The following USH2A variants were observed in gnomAD, a reference collection of about 807,000 sequenced individuals.
USH2A encodes Usher syndrome 2A (autosomal recessive, mild).
Under a neutral mutation model 538.9 loss-of-function variants are expected in USH2A, and 443 were observed. The ratio of observed to expected loss-of-function variants is 0.82; its 90% confidence interval spans 0.76 to 0.89. The LOEUF (loss-of-function observed/expected upper bound fraction) is 0.89. Ranked by LOEUF, USH2A falls within the 40% of genes least tolerant of loss-of-function variation. The pLI, the probability that USH2A is intolerant of heterozygous loss-of-function variation, is 0.00. For missense variants in USH2A, 6,633 were observed against 6,324.8 expected (o/e 1.05, Z -1.65); for synonymous variants, 2,413 against 2,273.5 (o/e 1.06, Z -1.75).
chr1:216,198,217 G>A, intron 18 of USH2A, 98 bp downstream of exon 18: 1 of 1,564,120 alleles, frequency 6.4e-7, no homozygotes, highest in East Asian at 2.3e-5. Context: ...TCTAATTCTT[G>A]CTTTTCAAAA....
At chr1:216,017,276 C>T (rs931721175) in intron 32 of USH2A, among the ~76,000 whole-genome samples, 4 of 152,040 alleles carry the variant, frequency 2.6e-5, no homozygotes, top group Admixed American at 6.6e-5. Flanking sequence ...CACAAACATC[C>T]TACTGACTCC....
chr1:215,844,442 C>T lies in USH2A; in HGVS notation c.9110G>A (p.Arg3037His), dbSNP rs533700989. 3.8e-4 allele frequency: 605 copies of T among 1,612,932 alleles called. 5 individuals carry two copies. The South Asian group carries it at 5.7e-3, about 15-fold the overall frequency. The stretch of plus-strand genomic sequence containing the variant: ...GTTTGAAGGAGATGTCCAGATGACA[C>T]GTACAGCTGTACTGTTGATGATGAC... Reference protein sequence around the residue: ...EVVIINSTAVRVIWTSPSNPN... With the variant: ...EVVIINSTAVHVIWTSPSNPN... Residue 3037 changes from arginine (R) to histidine (H), a missense_variant, in exon 46 of 72, where the codon CGT becomes CAT. Physicochemically the swap from Arg to His is conservative, Grantham distance 29. Transcript: ENST00000307340.
intron 30 of USH2A, 31 bp from the exon 31 acceptor site, chr1:216,048,678 G>T: frequency 1.3e-6 from 2 of 1,562,710 alleles, no homozygotes; most frequent in East Asian, 2.2e-5. Context: ...AGAGGGTTGC[G>T]TGTTTACCAT....
chr1:215,668,928 T>C (rs1361987943), intron 64 of USH2A, among the ~76,000 whole-genome samples: 1 of 152,122 alleles, frequency 6.6e-6, no homozygotes, highest in Non-Finnish European at 1.5e-5. Flanking sequence ...TCAGCTACAC[T>C]GGAGGCTAAG....
At chr1:216,244,173 C>G (rs1411324083) in intron 13 of USH2A, among the ~76,000 whole-genome samples, 1 of 152,124 alleles carries the variant, frequency 6.6e-6, no homozygotes, top group Non-Finnish European at 1.5e-5. Context: ...GAGGATTATA[C>G]TGCATTCCAT....
chr1:216,353,789 A>C (rs777600821), intron 4 of USH2A, among the ~76,000 whole-genome samples: 2 of 152,162 alleles, frequency 1.3e-5, no homozygotes, highest in Non-Finnish European at 2.9e-5. Flanking sequence ...TGTCAATCTA[A>C]CAACCAAAAC....
chr1:215,935,309 G>C (rs1230807245), intron 37 of USH2A, among the ~76,000 whole-genome samples: 1 of 151,916 alleles, frequency 6.6e-6, no homozygotes, highest in Admixed American at 6.6e-5. Context: ...GGTGTTTTCT[G>C]TTCACTTTGC....
intron 35 of USH2A, among the ~76,000 whole-genome samples, chr1:215,986,063 C>T (rs1348750555): frequency 6.6e-6 from 1 of 152,134 alleles, no homozygotes; most frequent in Non-Finnish European, 1.5e-5. Context: ...GTCCCCTTCA[C>T]TTCTCAAGAA....
chr1:216,280,906 G>A (rs1294403003), intron 11 of USH2A, among the ~76,000 whole-genome samples: 3 of 152,056 alleles, frequency 2.0e-5, no homozygotes, highest in East Asian at 3.9e-4. Flanking sequence ...ATTTCCTTGT[G>A]TGCTCCCTAA....
At chr1:215,866,242 GA>G (rs1664464995) in intron 44 of USH2A, among the ~76,000 whole-genome samples, 2 of 152,060 alleles carry the variant, frequency 1.3e-5, no homozygotes, top group Admixed American at 6.6e-5. Flanking sequence ...AGTCGTCAGG[GA>G]TTGACACAAA....
chr1:216,077,417 A>G (rs1226476854), intron 27 of USH2A, among the ~76,000 whole-genome samples: 1 of 151,934 alleles, frequency 6.6e-6, no homozygotes, highest in Non-Finnish European at 1.5e-5. Context: ...AACTATGGAG[A>G]CAATTAGCAT....
intron 32 of USH2A, among the ~76,000 whole-genome samples, chr1:216,025,808 T>A (rs2102505963): frequency 6.6e-6 from 1 of 152,158 alleles, no homozygotes; most frequent in African/African-American, 2.4e-5. Context: ...CATCCAGAGT[T>A]CCACCCTAAT....
chr1:216,284,040 A>C (rs958021007), intron 11 of USH2A, among the ~76,000 whole-genome samples: 2 of 152,104 alleles, frequency 1.3e-5, no homozygotes, highest in African/African-American at 4.8e-5. Context: ...ATTCCTAATG[A>C]TGTTAATATG....
In USH2A at chr1:215,970,645, C is replaced by T. The variant is rs199840367; in HGVS notation, c.6937G>A (p.Gly2313Ser). The change falls in exon 36 of 72, where the codon GGT (glycine) becomes AGT (serine). Residue 2313 changes from glycine (G) to serine (S), a missense_variant. Coordinates refer to ENST00000307340, the MANE Select transcript of USH2A (RefSeq NM_206933.4). Reference protein sequence around the residue: ...SFRVQACTAKGCALGPLVENR... With the variant: ...SFRVQACTAKSCALGPLVENR... ...CTCACCAGTGGGCCCAGAGCACAACCTTTGGCCGTGCATGCTTGGACTCTG... is the reference window on the plus strand; with the variant it reads ...CTCACCAGTGGGCCCAGAGCACAACTTTTGGCCGTGCATGCTTGGACTCTG... The T allele has an allele frequency of 2.8e-5, 45 of 1,613,662 alleles. No homozygotes were observed. Among genetic ancestry groups the T allele is most frequent in the Non-Finnish European group, 3.5e-5 (41 of 1,179,728 alleles).
At chr1:216,169,396 G>A (rs534623824) in intron 21 of USH2A, among the ~76,000 whole-genome samples, 2 of 152,016 alleles carry the variant, frequency 1.3e-5, no homozygotes, top group Admixed American at 6.6e-5. Flanking sequence ...AAAAGGCAAG[G>A]GTTAAAACAC....
At chr1:215,741,333 C>CA in intron 60 of USH2A, 42 bp downstream of exon 60, 1 of 1,597,784 alleles carries the variant, frequency 6.3e-7, no homozygotes, top group Non-Finnish European at 8.6e-7. Flanking sequence ...GAGCAGTACG[C>CA]ATTCTTAAAT....
intron 38 of USH2A, among the ~76,000 whole-genome samples, chr1:215,909,022 T>C (rs146691168): frequency 0.022 from 3,274 of 149,546 alleles, 62 homozygotes; most frequent in Non-Finnish European, 0.034. Context: ...TCATTAAATA[T>C]ATTATATATC....
Position 216,253,775 on chromosome 1 carries a change from C to G in USH2A, c.1972-2677G>C, listed in dbSNP as rs556001744. ...AACAAACAAATTGTAGTCGTTAAACCTTATTAAAGATTCGGGGTAAAAGAG... is the reference window on the plus strand; with the variant it reads ...AACAAACAAATTGTAGTCGTTAAACGTTATTAAAGATTCGGGGTAAAAGAG... On this transcript the variant is annotated intron_variant, in intron 11 of 71. Transcript: ENST00000307340. 3.9e-5 allele frequency among the ~76,000 whole-genome samples: 6 copies of G among 152,262 alleles called. No individual in the cohort carries two copies. The East Asian group carries it at 9.6e-4, about 24-fold the overall frequency.
intron 21 of USH2A, among the ~76,000 whole-genome samples, chr1:216,129,688 A>C (rs540376601): frequency 1.1e-4 from 17 of 152,052 alleles, no homozygotes; most frequent in Admixed American, 3.9e-4. Flanking sequence ...GAAGTTCTTT[A>C]TAAAAATCGA....
Sources: allele counts gnomAD v4.1 joint callset (sites outside exome capture counted in the v4.1 genomes callset), GRCh38; gene constraint gnomAD v4.1.1; transcripts MANE v1.5; gene names NCBI Gene and HGNC (gene_info 2026-07-23, HGNC 2026-07-21).